Variants in CELF2 observed in about 807,000 individuals in gnomAD.
CELF2 encodes the protein CUGBP Elav-like family member 2.
CELF2 carries 8 observed loss-of-function variants against 62.6 expected under a neutral mutation model. That is an observed-to-expected ratio of 0.13 (90% confidence interval 0.07 to 0.23). CELF2 has a LOEUF of 0.23. Among genes scored for constraint, CELF2 ranks in the 10% least tolerant of loss-of-function variants. The probability of loss-of-function intolerance (pLI) is 1.00; values close to 1 mark genes in which losing one functional copy is unlikely to be tolerated. For missense variants in CELF2, 333 were observed against 671.0 expected (o/e 0.50, Z 5.56); for synonymous variants, 258 against 250.0 (o/e 1.03, Z -0.30).
In CELF2 at chr10:10,983,290, T is replaced by C. The variant is rs528982042; in HGVS notation, c.89+63291T>C. Among the ~76,000 whole-genome samples the C allele has an allele frequency of 4.6e-5, 7 of 152,350 alleles. No homozygotes were observed. In the South Asian group the frequency reaches 8.3e-4, roughly 18 times the overall value. ...CACATAGCATTATTTATACACATTT[T>C]AGTAAAACTAGCTGAGGGTGCTTGG... is the stretch of plus-strand genomic sequence containing the variant. On this transcript the variant is annotated intron_variant, in intron 2 of 13. Coordinates refer to the CELF2 transcript ENST00000636488. The surrounding 1 kb of genome is among the most constrained non-coding windows in gnomAD (Gnocchi z 5.2).
At chr10:10,685,089 G>A in the CELF2 span, among the ~76,000 whole-genome samples, 1 of 152,102 alleles carries the variant, frequency 6.6e-6, no homozygotes, top group Non-Finnish European at 1.5e-5. Context: ...CAAGTTAAGT[G>A]CAGTGGTAAG....
the CELF2 span, among the ~76,000 whole-genome samples, chr10:10,692,135 GT>G: frequency 1.3e-3 from 188 of 149,486 alleles, no homozygotes; most frequent in African/African-American, 4.5e-3. Context: ...GGTTTTTATG[GT>G]TTTAGGTCTA....
At chr10:10,586,731 A>C in the CELF2 span, among the ~76,000 whole-genome samples, 1 of 152,088 alleles carries the variant, frequency 6.6e-6, no homozygotes, top group Admixed American at 6.6e-5. Context: ...CTGAATATAC[A>C]CTAGAATTTG....
At chr10:11,287,851 G>T (rs1375855252) in intron 8 of CELF2, among the ~76,000 whole-genome samples, 2 of 152,246 alleles carry the variant, frequency 1.3e-5, no homozygotes, top group African/African-American at 4.8e-5. Flanking sequence ...TTCAGTTAAT[G>T]CTGCCATTCA....
the CELF2 span, among the ~76,000 whole-genome samples, chr10:10,561,155 C>G: frequency 4.6e-5 from 7 of 152,144 alleles, no homozygotes; most frequent in South Asian, 2.1e-4. Flanking sequence ...ACCCCAATAA[C>G]TTATGGAAAA....
intron 1 of CELF2, among the ~76,000 whole-genome samples, chr10:11,062,149 G>GA (rs1246017940): frequency 3.3e-5 from 5 of 149,970 alleles, no homozygotes; most frequent in Non-Finnish European, 7.5e-5. Context: ...TACTGCTCAG[G>GA]GGGGGAAAAA....
the CELF2 span, among the ~76,000 whole-genome samples, chr10:10,783,809 C>G: frequency 0.026 from 3,933 of 152,106 alleles, 185 homozygotes; most frequent in African/African-American, 0.09. Flanking sequence ...CATGGTGAAA[C>G]CTTGTCTCTA....
intron 2 of CELF2, chr10:10,960,494 C>A (rs2049375038): frequency 6.6e-6 from 1 of 152,238 alleles, no homozygotes; most frequent in African/African-American, 2.4e-5. Flanking sequence ...ATAGTGAAGA[C>A]TGAGGTTCGT....
At chr10:10,572,843 T>C in the CELF2 span, among the ~76,000 whole-genome samples, 4 of 152,216 alleles carry the variant, frequency 2.6e-5, no homozygotes, top group South Asian at 8.3e-4. Context: ...ATCTTTGTAA[T>C]AGAATGATTT....
At chr10:10,506,269 C>CGTGTGTGT in the CELF2 span, among the ~76,000 whole-genome samples, 2,303 of 146,774 alleles carry the variant, frequency 0.016, 36 homozygotes, top group South Asian at 0.039. Flanking sequence ...AGATGCACTT[C>CGTGTGTGT]GTGTGTGTGT....
chr10:11,090,847 C>A (rs1485785545), intron 1 of CELF2, among the ~76,000 whole-genome samples: 2 of 151,998 alleles, frequency 1.3e-5, no homozygotes, highest in Non-Finnish European at 2.9e-5. Flanking sequence ...AAAATTGATA[C>A]CTAAGTTAAA....
the CELF2 span, among the ~76,000 whole-genome samples, chr10:10,707,172 G>A: frequency 1.3e-5 from 2 of 152,138 alleles, no homozygotes; most frequent in African/African-American, 4.8e-5. Context: ...TTGAGTGTGA[G>A]TACTCTAGTA....
chr10:10,633,809 AATT>A, the CELF2 span, among the ~76,000 whole-genome samples: 10 of 152,060 alleles, frequency 6.6e-5, no homozygotes, highest in African/African-American at 2.4e-4. Context: ...TTTTTGTGAT[AATT>A]ATTATTTAAT....
intron 1 of CELF2, among the ~76,000 whole-genome samples, chr10:11,007,689 C>T (rs117171389): frequency 1.5e-4 from 23 of 152,242 alleles, no homozygotes; most frequent in African/African-American, 4.6e-4. Flanking sequence ...GGCCGGCACA[C>T]GGTTTCCAGC....
chr10:11,179,527 C>A (rs1242483749), intron 2 of CELF2, among the ~76,000 whole-genome samples: 1 of 152,196 alleles, frequency 6.6e-6, no homozygotes, highest in African/African-American at 2.4e-5. Flanking sequence ...CTCTGATCCA[C>A]CACTAACTTA....
chr10:11,050,112 G>C (rs1239779049), intron 1 of CELF2, among the ~76,000 whole-genome samples: 1 of 152,154 alleles, frequency 6.6e-6, no homozygotes, highest in African/African-American at 2.4e-5. Context: ...GCTCCCTCTG[G>C]GTTTCCTGAC....
chr10:10,498,843 A>G, the CELF2 span, among the ~76,000 whole-genome samples: 2 of 152,198 alleles, frequency 1.3e-5, no homozygotes, highest in African/African-American at 4.8e-5. Context: ...TCTCATTAAG[A>G]TCTTTACAAA....
At chr10:11,294,011 C>T (rs991496216) in intron 9 of CELF2, among the ~76,000 whole-genome samples, 1 of 152,154 alleles carries the variant, frequency 6.6e-6, no homozygotes, top group African/African-American at 2.4e-5. Flanking sequence ...TTTGGTTTCA[C>T]CTTACAGGTG....
At chr10:10,715,646 C>T in the CELF2 span, among the ~76,000 whole-genome samples, 2 of 152,112 alleles carry the variant, frequency 1.3e-5, no homozygotes, top group South Asian at 4.1e-4. Context: ...TATCCAAAAC[C>T]TCTTTGGTAG....
Sources: gnomAD v4.1 joint callset for allele counts (sites outside exome capture counted in the v4.1 genomes callset) on GRCh38, gnomAD v4.1.1 for gene constraint, Gnocchi (gnomAD v3.1) non-coding constraint, MANE v1.5 for transcripts, NCBI Gene and HGNC (gene_info 2026-07-23, HGNC 2026-07-21) for gene names.